The following ARHGAP24 variants were observed in gnomAD, a reference collection of about 807,000 sequenced individuals.
ARHGAP24 encodes Rho GTPase activating protein 24, also known as rho GTPase-activating protein 24.
A neutral mutation model predicts 76.4 loss-of-function variants in ARHGAP24; 50 were observed. That is an observed-to-expected ratio of 0.65 (90% CI 0.52 to 0.83). The LOEUF (loss-of-function observed/expected upper bound fraction) is 0.83. Among genes scored for constraint, ARHGAP24 ranks in the 40% least tolerant of loss-of-function variants. ARHGAP24 has a pLI of 0.00. For missense variants in ARHGAP24, 930 were observed against 914.2 expected (o/e 1.02, Z -0.22); for synonymous variants, 345 against 323.3 (o/e 1.07, Z -0.72).
intron 2 of ARHGAP24, among the ~76,000 whole-genome samples, chr4:85,607,180 CA>C (rs138228073): frequency 0.01 from 1,559 of 152,272 alleles, 12 homozygotes; most frequent in Middle Eastern, 0.02. Flanking sequence ...GAGTCTGTAT[CA>C]GGGCCAGAAT....
At chr4:85,898,349 T>C (rs1734312295) in intron 3 of ARHGAP24, among the ~76,000 whole-genome samples, 1 of 152,088 alleles carries the variant, frequency 6.6e-6, no homozygotes. Context: ...GGTTTCTTCC[T>C]CTCCCTTAGC....
chr4:85,565,390 C>A (rs969249529), intron 1 of ARHGAP24, among the ~76,000 whole-genome samples: 1 of 152,032 alleles, frequency 6.6e-6, no homozygotes, highest in African/African-American at 2.4e-5. Flanking sequence ...ACCAACATTG[C>A]CAGTTTTGTT....
At position 85,813,544 on chromosome 4, in the gene ARHGAP24, G is replaced by A. The variant is rs11930630; in HGVS notation, c.268+91572G>A. Among the ~76,000 whole-genome samples, 1,501 of 152,106 alleles carry A rather than the reference G, an allele frequency of 9.9e-3. 28 individuals carry two copies. Among genetic ancestry groups the A allele is most frequent in the African/African-American group, 0.034 (1,405 of 41,504 alleles). ...AAAATTCCTACAGTCTTTTTCATAT[G>A]TATGAGTTACAGTATAATTCTTCAA... On this transcript the variant is annotated intron_variant, in intron 3 of 9. Coordinates refer to ENST00000395184, the MANE Select transcript of ARHGAP24 (RefSeq NM_001025616.3).
intron 5 of ARHGAP24, among the ~76,000 whole-genome samples, chr4:85,963,850 G>T (rs1738409140): frequency 6.6e-6 from 1 of 151,536 alleles, no homozygotes; most frequent in Admixed American, 6.6e-5. Context: ...AATTCATTTT[G>T]TTTGTTATTT....
chr4:85,776,099 T>G (rs1398359064), intron 3 of ARHGAP24, among the ~76,000 whole-genome samples: 1 of 152,120 alleles, frequency 6.6e-6, no homozygotes, highest in Non-Finnish European at 1.5e-5. Context: ...CATAGAATAT[T>G]AGAATCTAGT....
intron 5 of ARHGAP24, among the ~76,000 whole-genome samples, chr4:85,945,487 A>T (rs1487048753): frequency 6.6e-6 from 1 of 151,910 alleles, no homozygotes; most frequent in African/African-American, 2.4e-5. Flanking sequence ...AAAAGGCCTG[A>T]GCGGGGTGGC....
chr4:85,626,478 A>T (rs1720958800), intron 2 of ARHGAP24, among the ~76,000 whole-genome samples: 1 of 82,648 alleles, frequency 1.2e-5, no homozygotes. Flanking sequence ...GGATAACCCG[A>T]CCTTTCTCTC....
At chr4:85,872,258 C>T (rs186519159) in intron 3 of ARHGAP24, among the ~76,000 whole-genome samples, 9 of 151,416 alleles carry the variant, frequency 5.9e-5, no homozygotes, top group East Asian at 3.9e-4. Flanking sequence ...TCAATCAACG[C>T]GTTGATATAG....
At chr4:85,494,684 AAAAAAAT>A (rs1407302993) in intron 1 of ARHGAP24, among the ~76,000 whole-genome samples, 1 of 151,974 alleles carries the variant, frequency 6.6e-6, no homozygotes, top group African/African-American at 2.4e-5. Context: ...TGTCTCAAAA[AAAAAAAT>A]AAAAAATAAA....
chr4:85,940,253 C>A (rs1023285363), intron 4 of ARHGAP24, among the ~76,000 whole-genome samples: 19 of 152,070 alleles, frequency 1.2e-4, no homozygotes, highest in African/African-American at 4.6e-4. Context: ...GACAAAGGTG[C>A]TGCCAGTTTT....
intron 1 of ARHGAP24, among the ~76,000 whole-genome samples, chr4:85,502,051 A>C (rs141534720): frequency 6.6e-6 from 1 of 151,854 alleles, no homozygotes; most frequent in Non-Finnish European, 1.5e-5. Context: ...GGTGATATTT[A>C]TGAGGCCTCT....
intron 2 of ARHGAP24, among the ~76,000 whole-genome samples, chr4:85,647,483 C>A (rs181606342): frequency 2.0e-5 from 3 of 152,122 alleles, no homozygotes; most frequent in Admixed American, 2.0e-4. Context: ...GATGACCTGG[C>A]CTGGAGTCCT....
intron 2 of ARHGAP24, among the ~76,000 whole-genome samples, chr4:85,574,238 A>G (rs185318322): frequency 2.0e-3 from 310 of 152,316 alleles, no homozygotes; most frequent in Non-Finnish European, 3.8e-3. Flanking sequence ...AGTCAAATCA[A>G]ACTCCATCAT....
intron 5 of ARHGAP24, among the ~76,000 whole-genome samples, chr4:85,968,868 A>T (rs1486008097): frequency 6.6e-6 from 1 of 152,154 alleles, no homozygotes; most frequent in Non-Finnish European, 1.5e-5. Context: ...CAAAAAGTTA[A>T]TAACCTTTGT....
intron 2 of ARHGAP24, among the ~76,000 whole-genome samples, chr4:85,572,874 C>CTT (rs775780758): frequency 5.6e-4 from 69 of 124,268 alleles, no homozygotes; most frequent in Non-Finnish European, 7.9e-4. Context: ...TTTTTTCTTT[C>CTT]TTTTTTTTTT....
chr4:85,954,214 A>C (rs1160888372), intron 5 of ARHGAP24, among the ~76,000 whole-genome samples: 3 of 152,230 alleles, frequency 2.0e-5, no homozygotes, highest in Admixed American at 1.3e-4. Flanking sequence ...GTTAGTAGAT[A>C]AAATGTTCAT....
At chr4:85,826,680 A>G (rs914361931) in intron 3 of ARHGAP24, among the ~76,000 whole-genome samples, 1 of 152,162 alleles carries the variant, frequency 6.6e-6, no homozygotes, top group Non-Finnish European at 1.5e-5. Context: ...ATTTTGTCCT[A>G]CACTCTGTCC....
intron 1 of ARHGAP24, among the ~76,000 whole-genome samples, chr4:85,561,243 A>G (rs1249957604): frequency 6.6e-6 from 1 of 152,158 alleles, no homozygotes; most frequent in Non-Finnish European, 1.5e-5. Context: ...ATAGAAGTTA[A>G]CCATGATGTC....
chr4:85,820,607 T>C lies in ARHGAP24; in HGVS notation c.268+98635T>C, dbSNP rs11937604. ...AGATGCAATTTATCTATATAACAAA[T>C]GCATATATACCCTGAATCTAAAGTA... On this transcript the variant is annotated intron_variant, in intron 3 of 9. Transcript: ENST00000395184. Among the ~76,000 whole-genome samples the C allele has an allele frequency of 9.5e-3, 1,442 of 152,246 alleles. 26 individuals are homozygous for C. The highest frequency in any genetic ancestry group is 0.032 in the African/African-American group (1,350 of 41,542).
Sources: gnomAD v4.1 joint callset for allele counts (sites outside exome capture counted in the v4.1 genomes callset) on GRCh38, gnomAD v4.1.1 for gene constraint, MANE v1.5 for transcripts, NCBI Gene and HGNC (gene_info 2026-07-23, HGNC 2026-07-21) for gene names.